The following IGSF1 variants were observed in gnomAD, a reference collection of about 807,000 sequenced individuals.
IGSF1 encodes the protein immunoglobulin superfamily member 1.
A neutral mutation model predicts 95.3 loss-of-function variants in IGSF1; 40 were observed. The observed-to-expected ratio is 0.42, with a 90% CI of 0.33 to 0.55. The LOEUF is 0.55. IGSF1 is among the 20% of genes least tolerant of loss of function. The pLI is 0.10. For missense variants in IGSF1, 906 were observed against 1,025.4 expected (o/e 0.88, Z 1.59); for synonymous variants, 372 against 382.9 (o/e 0.97, Z 0.33).
At position 131,285,774 on chromosome X, in the gene IGSF1, C is replaced by T. The variant is rs1370753118; in HGVS notation, c.372G>A (p.Glu124=). 7 of 1,204,020 alleles carry T rather than the reference C, an allele frequency of 5.8e-6. No individual in the cohort carries two copies. Among genetic ancestry groups the T allele is most frequent in the East Asian group, 3.0e-5 (1 of 33,668 alleles). Residue 124 remains glutamate (E), a synonymous_variant, in exon 4 of 20, where the codon GAG becomes GAA. Transcript: ENST00000361420. ...WSKPSKVLEL[E]APGQLPKPIF... ...GTATCACTGTCATCTTACCTGGTGC[C>T]TCCAACTCTAGAACTTTACTGGGCT...
rs180879395 is a variant in IGSF1 at position 131,279,888 on chromosome X, C to T, written c.1647-547G>A. On this transcript the variant is annotated intron_variant, in intron 9 of 19. Transcript: ENST00000361420. The stretch of plus-strand genomic sequence containing the variant: ...TGAATTACTAGAAGATTGGCAGTGC[C>T]GAGCCAAGCTTTTCAGAGAGTAGAA... 3.6e-3 allele frequency among the ~76,000 whole-genome samples: 403 copies of T among 111,810 alleles called. 1 individual carries two copies. The highest frequency in any genetic ancestry group is 5.3e-3 in the Non-Finnish European group (283 of 53,136).
chrX:131,274,280 C>T lies in IGSF1; in HGVS notation c.3752-74G>A. The T allele has an allele frequency of 7.8e-6, 9 of 1,155,138 alleles. No homozygotes were observed. The South Asian group carries it at 1.5e-4, about 19-fold the overall frequency. On this transcript the variant is annotated intron_variant, in intron 18 of 19. Coordinates refer to ENST00000361420, the MANE Select transcript of IGSF1 (RefSeq NM_001555.5). ...TATGTTCCCCTTGATCTGGTATTGC[C>T]CCACACTCTGGCCTTCTTTAGGGTT...
intron 7 of IGSF1, 133 bp from the exon 8 acceptor site, chrX:131,282,077 T>C: frequency 1.7e-6 from 1 of 574,361 alleles, no homozygotes; most frequent in Admixed American, 3.6e-5. Context: ...CTTCAAGATT[T>C]GACTGTGCAT....
At chrX:131,276,860 T>G in intron 14 of IGSF1, 79 bp downstream of exon 14, 2 of 995,311 alleles carry the variant, frequency 2.0e-6, no homozygotes, top group Non-Finnish European at 2.8e-6. Context: ...GAAGAAACAT[T>G]TCTTCCTCTC....
Position 131,275,661 on chromosome X carries a change from T to C in IGSF1, c.3001A>G (p.Ile1001Val), listed in dbSNP as rs2080464567. The C allele has an allele frequency of 8.3e-7, 1 of 1,211,210 alleles. No homozygotes were observed. The highest frequency in any genetic ancestry group is 3.0e-5 in the East Asian group (1 of 33,828). Residue 1001 changes from isoleucine to valine, a missense_variant, in exon 16 of 20, where the codon ATT becomes GTT. Ile to Val is a conservative substitution (Grantham distance 29). Transcript: ENST00000361420. ...GTGGCTTCTCCTTCTTTGTGCAGAATGTATCCTACTCCATGGACCGGCCCT... is the reference window on the plus strand; with the variant it reads ...GTGGCTTCTCCTTCTTTGTGCAGAACGTATCCTACTCCATGGACCGGCCCT... ...CRGPVHGVGY[I>V]LHKEGEATSM...
At chrX:131,275,873 G>T in intron 15 of IGSF1, 88 bp downstream of exon 15, 1 of 1,134,881 alleles carries the variant, frequency 8.8e-7, no homozygotes, top group Non-Finnish European at 1.2e-6. Context: ...CCCCTCCGTG[G>T]CCTAGCCTAG....
In IGSF1 at chrX:131,289,286, T is replaced by G. The variant is rs777652996; in HGVS notation, c.-140A>C. 12 of 373,709 alleles carry G rather than the reference T, an allele frequency of 3.2e-5. No individual in the cohort carries two copies. Among genetic ancestry groups the G allele is most frequent in the Admixed American group, 7.6e-5 (3 of 39,514 alleles). The allele number at this position is 373,709 out of a possible 1,213,427, so 30.8% of individuals were successfully genotyped here. On this transcript the variant is annotated 5_prime_UTR_variant, in exon 1 of 20. It removes an upstream start codon present in the reference 5' UTR. Transcript: ENST00000361420. ...TCCAGATGCAGCAAACTGCCCGGCA[T>G]GAGAAGAGCTGTCTAAGGACAGCCT... is the stretch of plus-strand genomic sequence containing the variant.
chrX:131,281,618 G>A lies in IGSF1; in HGVS notation c.1525+48C>T, dbSNP rs186644386. The A allele has an allele frequency of 3.0e-4, 346 of 1,154,324 alleles. No homozygotes were observed. In the East Asian group the frequency reaches 6.2e-3, roughly 21 times the overall value. ...CATATCTTTCTGGGCACTGATCTGG[G>A]ATCCCTGGGGTATGGAGGGGCATTC... is the stretch of plus-strand genomic sequence containing the variant. On this transcript the variant is annotated intron_variant, in intron 8 of 19. Coordinates refer to ENST00000361420, the MANE Select transcript of IGSF1 (RefSeq NM_001555.5).
At chrX:131,288,989 G>C (rs1299980842) in intron 1 of IGSF1, 9 of 253,768 alleles carry the variant, frequency 3.5e-5, no homozygotes, top group South Asian at 2.7e-4. Context: ...AGAAGGAAAA[G>C]GGGAGATATC....
chrX:131,274,810 G>C lies in IGSF1; in HGVS notation c.3540C>G (p.Thr1180=). The C allele has an allele frequency of 8.3e-7, 1 of 1,211,494 alleles. No individual in the cohort carries two copies. Among genetic ancestry groups the C allele is most frequent in the Non-Finnish European group, 1.1e-6 (1 of 895,111 alleles). ...STMFKLGKDI[T]LQCRGPLPGV... ...CTGGCAGGGGTCCTCGGCACTGAAG[G>C]GTGATGTCCTTCCCTAACTTGAACA... Residue 1180 remains threonine, a synonymous_variant, in exon 18 of 20, where the codon ACC becomes ACG. Coordinates refer to ENST00000361420, the MANE Select transcript of IGSF1 (RefSeq NM_001555.5).
Position 131,285,883 on chromosome X carries a change from T to C in IGSF1, c.263A>G (p.Gln88Arg). The change falls in exon 4 of 20, where the codon CAA becomes CGA. Residue 88 changes from glutamine to arginine, a missense_variant. By Grantham distance (43) the Gln-to-Arg change is conservative. Around this residue, in one of 5 missense-constraint regions of IGSF1, gnomAD observed 442 missense variants for 448.1 expected, o/e 0.99. Coordinates refer to ENST00000361420, the MANE Select transcript of IGSF1 (RefSeq NM_001555.5). Reference protein sequence around the residue: ...TWIRPSHKTFQVSFLIGALTE... With the variant: ...TWIRPSHKTFRVSFLIGALTE... ...AAGGGCACCTATAAGGAATGAAACT[T>C]GGAAGGTCTTGTGGGAAGGGCGGAT... 8.3e-7 allele frequency: 1 copy of C among 1,211,306 alleles called. No homozygotes were observed. Among genetic ancestry groups the C allele is most frequent in the African/African-American group, 1.7e-5 (1 of 57,679 alleles).
chrX:131,281,043 G>C, intron 9 of IGSF1, 175 bp downstream of exon 9: 2 of 486,279 alleles, frequency 4.1e-6, no homozygotes, highest in Admixed American at 3.5e-5. Context: ...GCTGGCTTGA[G>C]TGCTGACCCC....
rs1330005520 is a variant in IGSF1 at position 131,274,748 on chromosome X, G to T, written c.3602C>A (p.Ala1201Glu). The T allele has an allele frequency of 8.3e-7, 1 of 1,209,735 alleles. No homozygotes were observed. Among genetic ancestry groups the T allele is most frequent in the African/African-American group, 1.8e-5 (1 of 57,074 alleles). The stretch of plus-strand genomic sequence containing the variant: ...TCCATCCTCTGAAAACTGCTGAGGT[G>T]CTTCTTCTCCATCATGTTCTAGGAC... The part of the protein sequence containing the change: ...EFVLEHDGEE[A>E]PQQFSEDGDF... The change falls in exon 18 of 20, where the codon GCA becomes GAA. Residue 1201 changes from alanine to glutamate, a missense_variant. By Grantham distance (107) the Ala-to-Glu change is moderately radical (BLOSUM62 -1). Transcript: ENST00000361420.
intron 9 of IGSF1, among the ~76,000 whole-genome samples, chrX:131,279,796 G>C (rs1004732843): frequency 9.8e-5 from 11 of 111,797 alleles, no homozygotes; most frequent in African/African-American, 2.3e-4. Flanking sequence ...TGTTGTGGCA[G>C]TATTGGTCCT....
In IGSF1 at chrX:131,279,349, G is replaced by A. The variant is rs755288114; in HGVS notation, c.1647-8C>T. ...CCCAGCAACCAGGCTTCTCTAGTGA[G>A]ACCAGAAAAGAGATGAGAGGAGTTG... On this transcript the variant is annotated splice_region_variant and splice_polypyrimidine_tract_variant and intron_variant, in intron 9 of 19. Transcript: ENST00000361420. 1.7e-5 allele frequency: 20 copies of A among 1,197,358 alleles called. No homozygotes were observed. The highest frequency in any genetic ancestry group is 2.1e-5 in the Non-Finnish European group (19 of 883,826).
intron 5 of IGSF1, among the ~76,000 whole-genome samples, chrX:131,283,484 C>T (rs762136389): frequency 8.9e-6 from 1 of 112,068 alleles, no homozygotes; most frequent in African/African-American, 3.2e-5. Context: ...TGAGCTCTAA[C>T]CATGTGTAGG....
At chrX:131,278,403 G>A (rs1200763782) in intron 12 of IGSF1, 58 bp downstream of exon 12, 1 of 1,042,001 alleles carries the variant, frequency 9.6e-7, no homozygotes, top group African/African-American at 1.9e-5. Flanking sequence ...CCCAGGAGCA[G>A]TGTTGGAGTC....
intron 6 of IGSF1, 112 bp from the exon 7 acceptor site, chrX:131,282,849 C>T: frequency 1.1e-6 from 1 of 942,712 alleles, no homozygotes; most frequent in Non-Finnish European, 1.5e-6. Context: ...CCTGCCTACA[C>T]CCAGTTTTAC....
chrX:131,281,303 T>C lies in IGSF1; in HGVS notation c.1561A>G (p.Ile521Val). 1.7e-6 allele frequency: 2 copies of C among 1,210,752 alleles called. No individual in the cohort carries two copies. Among genetic ancestry groups the C allele is most frequent in the Non-Finnish European group, 2.2e-6 (2 of 894,634 alleles). Residue 521 changes from isoleucine (I) to valine (V), a missense_variant, in exon 9 of 20, where the codon ATC becomes GTC. By Grantham distance (29) the Ile-to-Val change is conservative. Around this residue, in one of 5 missense-constraint regions of IGSF1, gnomAD observed 442 missense variants for 448.1 expected, o/e 0.99. Coordinates refer to ENST00000361420, the MANE Select transcript of IGSF1 (RefSeq NM_001555.5). ...AGCTGCATGATTAGAGACAACCTGA[T>C]AGCTTCATTCAGAACGTAATTCCAG... Reference protein sequence around the residue: ...LTWNYVLNEAIRLSLIMQLVA... With the variant: ...LTWNYVLNEAVRLSLIMQLVA...
Sources: gnomAD v4.1 joint callset for allele counts (sites outside exome capture counted in the v4.1 genomes callset) on GRCh38, gnomAD v4.1.1 for gene constraint, gnomAD v4.1.1 regional missense constraint, MANE v1.5 for transcripts, NCBI Gene and HGNC (gene_info 2026-07-23, HGNC 2026-07-21) for gene names.